The following SEMA5A variants were observed in gnomAD, a reference collection of about 807,000 sequenced individuals.
SEMA5A encodes semaphorin-5A.
Under a neutral mutation model 135.5 loss-of-function variants are expected in SEMA5A, and 55 were observed. The observed-to-expected ratio is 0.41, with a 90% CI of 0.33 to 0.51. The LOEUF (loss-of-function observed/expected upper bound fraction) is 0.51, where lower values mean the gene tolerates loss of function less well. Ranked by LOEUF, SEMA5A falls within the 20% of genes least tolerant of loss-of-function variation. The probability of loss-of-function intolerance (pLI) is 0.37; values close to 1 mark genes in which losing one functional copy is unlikely to be tolerated. For synonymous variants in SEMA5A, 580 were observed against 546.5 expected, an observed-to-expected ratio of 1.06 and a Z score of -0.85; for missense variants, 1,290 against 1,419.9, an observed-to-expected ratio of 0.91 and a Z score of 1.47.
intron 12 of SEMA5A, among the ~76,000 whole-genome samples, chr5:9,137,972 C>T (rs531759172): frequency 9.9e-5 from 15 of 152,074 alleles, no homozygotes; most frequent in African/African-American, 3.6e-4. Context: ...AGGGAAAGAT[C>T]GATTTGAAGG....
intron 14 of SEMA5A, among the ~76,000 whole-genome samples, chr5:9,121,783 C>T (rs908754277): frequency 6.6e-6 from 1 of 152,184 alleles, no homozygotes; most frequent in Non-Finnish European, 1.5e-5. Flanking sequence ...AGGGCAAAGT[C>T]GGCCTTTTGC....
chr5:9,084,279 C>T (rs556780440), intron 16 of SEMA5A, among the ~76,000 whole-genome samples: 1 of 152,252 alleles, frequency 6.6e-6, no homozygotes, highest in South Asian at 2.1e-4. Context: ...CCAGAACATG[C>T]AGCCCCAACT....
intron 12 of SEMA5A, among the ~76,000 whole-genome samples, chr5:9,139,596 T>C (rs956209726): frequency 6.6e-6 from 1 of 152,238 alleles, no homozygotes; most frequent in Non-Finnish European, 1.5e-5. Flanking sequence ...CCTGATTTGA[T>C]CTCTTTCATG....
At chr5:9,092,668 A>C (rs2150126541) in intron 16 of SEMA5A, among the ~76,000 whole-genome samples, 2 of 152,380 alleles carry the variant, frequency 1.3e-5, no homozygotes, top group East Asian at 3.9e-4. Flanking sequence ...ATGTGGACTA[A>C]GAGTAGCTCC....
chr5:9,224,806 G>C lies in SEMA5A; in HGVS notation c.514C>G (p.Leu172Val). 1 of 1,614,164 alleles carries C rather than the reference G, an allele frequency of 6.2e-7. No homozygotes were observed. The change falls in exon 8 of 23, where the codon CTC becomes GTC. Residue 172 changes from leucine to valine, a missense_variant. Leu to Val is a conservative substitution (Grantham distance 32). Around this residue, in one of 3 missense-constraint regions of SEMA5A, gnomAD observed 145 missense variants for 212.0 expected, o/e 0.68. Transcript: ENST00000382496. ...PYSPQHNSTA[L>V]LTAGGELYAA... is the part of the protein sequence containing the mutation. ...TAGAGCTCCCCACCAGCTGTGAGGA[G>C]CGCTGTGGAATTGTGCTGGGGACTG...
intron 3 of SEMA5A, among the ~76,000 whole-genome samples, chr5:9,340,038 G>A (rs1753573722): frequency 6.6e-6 from 1 of 151,440 alleles, no homozygotes; most frequent in Non-Finnish European, 1.5e-5. Flanking sequence ...ACTGAGACAG[G>A]CATCAGAGTT....
intron 5 of SEMA5A, among the ~76,000 whole-genome samples, chr5:9,247,031 TAAG>T (rs1312378832): frequency 2.0e-5 from 3 of 152,148 alleles, no homozygotes; most frequent in South Asian, 4.1e-4. Context: ...ATGTAGCAAG[TAAG>T]AAGAAGTACC....
intron 2 of SEMA5A, among the ~76,000 whole-genome samples, chr5:9,432,105 G>T (rs1757877155): frequency 6.6e-6 from 1 of 152,080 alleles, no homozygotes; most frequent in South Asian, 2.1e-4. Context: ...GATAATGGAA[G>T]CTGACAATTC....
chr5:9,426,807 A>C, intron 2 of SEMA5A, among the ~76,000 whole-genome samples: 1 of 152,244 alleles, frequency 6.6e-6, no homozygotes, highest in East Asian at 1.9e-4. Flanking sequence ...AAAATGAGCA[A>C]GAAAATGAGA....
chr5:9,447,195 G>A (rs1192089523), intron 1 of SEMA5A, among the ~76,000 whole-genome samples: 2 of 152,204 alleles, frequency 1.3e-5, no homozygotes, highest in African/African-American at 2.4e-5. Context: ...CTCAGTAATG[G>A]AAAGAAGATT....
intron 1 of SEMA5A, among the ~76,000 whole-genome samples, chr5:9,452,048 T>C (rs1428227142): frequency 6.6e-6 from 1 of 152,206 alleles, no homozygotes; most frequent in African/African-American, 2.4e-5. Context: ...AGAAACAGAC[T>C]CTTCCTTTCA....
At chr5:9,340,208 G>A (rs990307362) in intron 3 of SEMA5A, among the ~76,000 whole-genome samples, 1 of 152,194 alleles carries the variant, frequency 6.6e-6, no homozygotes. Context: ...TCATCATTCA[G>A]ATGGGAAACA....
intron 2 of SEMA5A, among the ~76,000 whole-genome samples, chr5:9,390,259 TA>T (rs1436979184): frequency 6.6e-6 from 1 of 151,976 alleles, no homozygotes; most frequent in Admixed American, 6.6e-5. Flanking sequence ...CAGACAGACT[TA>T]AAAAAAGGGG....
At chr5:9,416,571 T>C (rs1192575941) in intron 2 of SEMA5A, among the ~76,000 whole-genome samples, 3 of 152,170 alleles carry the variant, frequency 2.0e-5, no homozygotes, top group Non-Finnish European at 4.4e-5. Flanking sequence ...GTCAGGAATG[T>C]TGTCAAAGGC....
chr5:9,401,108 G>A (rs1326420794), intron 2 of SEMA5A, among the ~76,000 whole-genome samples: 1 of 151,844 alleles, frequency 6.6e-6, no homozygotes, highest in Non-Finnish European at 1.5e-5. Flanking sequence ...TCTTTTCCCA[G>A]AATTTTTTTT....
intron 4 of SEMA5A, among the ~76,000 whole-genome samples, chr5:9,333,120 A>G (rs1033070911): frequency 6.6e-6 from 1 of 152,210 alleles, no homozygotes; most frequent in Non-Finnish European, 1.5e-5. Context: ...ACATTTAAAA[A>G]CCTGAAGAAA....
At chr5:9,344,687 A>G (rs1245175406) in intron 3 of SEMA5A, among the ~76,000 whole-genome samples, 1 of 152,228 alleles carries the variant, frequency 6.6e-6, no homozygotes, top group Non-Finnish European at 1.5e-5. Context: ...GACAAGTCCT[A>G]TTTACATTAG....
intron 2 of SEMA5A, among the ~76,000 whole-genome samples, chr5:9,432,129 C>CTTTGGT (rs70943965): frequency 0.064 from 9,780 of 152,232 alleles, 377 homozygotes; most frequent in Middle Eastern, 0.1. Flanking sequence ...TGTCAGTGAG[C>CTTTGGT]TTTGGTAAGC....
intron 8 of SEMA5A, among the ~76,000 whole-genome samples, chr5:9,216,735 T>C (rs1746651352): frequency 6.6e-6 from 1 of 152,250 alleles, no homozygotes; most frequent in South Asian, 2.1e-4. Flanking sequence ...CATTATGTAA[T>C]GCCTGTCTTT....
Sources: allele counts gnomAD v4.1 joint callset (sites outside exome capture counted in the v4.1 genomes callset), GRCh38; gene constraint gnomAD v4.1.1; regional missense constraint gnomAD v4.1.1; transcripts MANE v1.5; gene names NCBI Gene and HGNC (gene_info 2026-07-23, HGNC 2026-07-21).